CCDC73: variants seen among roughly 807,000 people sequenced by gnomAD.
CCDC73 encodes coiled-coil domain-containing protein 73.
CCDC73 carries 95 observed loss-of-function variants against 116.5 expected under a neutral mutation model. The observed-to-expected ratio is 0.82, with a 90% CI of 0.69 to 0.97. The LOEUF (loss-of-function observed/expected upper bound fraction) is 0.97. Ranked by LOEUF, CCDC73 falls within the 50% of genes least tolerant of loss-of-function variation. CCDC73 has a pLI of 0.00. For synonymous variants in CCDC73, 398 were observed against 401.3 expected (o/e 0.99, Z 0.10); for missense variants, 1,066 against 1,206.8 (o/e 0.88, Z 1.73).
intron 14 of CCDC73, among the ~76,000 whole-genome samples, chr11:32,620,063 A>C (rs1393934669): frequency 6.6e-6 from 1 of 152,206 alleles, no homozygotes; most frequent in Non-Finnish European, 1.5e-5. Context: ...TACAACAGCA[A>C]ACATCCCACA....
intron 1 of CCDC73, among the ~76,000 whole-genome samples, chr11:32,782,209 T>A (rs7113697): frequency 0.57 from 86,311 of 151,980 alleles, 24,892 homozygotes; most frequent in East Asian, 0.85. Flanking sequence ...GTGAGTTGTA[T>A]AATTATTTCA....
the CCDC73 span, among the ~76,000 whole-genome samples, chr11:32,818,015 G>A: frequency 6.6e-6 from 1 of 152,200 alleles, no homozygotes; most frequent in Non-Finnish European, 1.5e-5. Flanking sequence ...GGCACTTACG[G>A]TGAAACTAAC....
chr11:32,676,894 C>G (rs562711519), intron 7 of CCDC73, among the ~76,000 whole-genome samples: 1 of 152,246 alleles, frequency 6.6e-6, no homozygotes, highest in Admixed American at 6.5e-5. Flanking sequence ...AAAATTAGAC[C>G]TTACTTATAT....
intron 12 of CCDC73, among the ~76,000 whole-genome samples, chr11:32,650,294 TC>T (rs1226512559): frequency 6.6e-6 from 1 of 152,216 alleles, no homozygotes; most frequent in Non-Finnish European, 1.5e-5. Context: ...ACAGATTTAA[TC>T]CTAATTTTGT....
rs1454312788 is a variant in CCDC73 at position 32,718,090 on chromosome 11, G to A, written c.193C>T (p.Leu65Phe). 6.2e-7 allele frequency: 1 copy of A among 1,606,602 alleles called. No homozygotes were observed. Among genetic ancestry groups the A allele is most frequent in the South Asian group, 1.1e-5 (1 of 89,922 alleles). ...IGKIIVETQE[L>F]KWQKETLQNQ... ...ATATTACTCACCTTTTGCCATTTAA[G>A]TTCCTGTGTCTCCACAATAATTTTA... Residue 65 changes from leucine to phenylalanine, a missense_variant, in exon 3 of 18, where the codon CTT becomes TTT. Coordinates refer to ENST00000335185, the MANE Select transcript of CCDC73 (RefSeq NM_001008391.4).
chr11:32,787,366 C>T (rs899416920), intron 1 of CCDC73, among the ~76,000 whole-genome samples: 2 of 152,166 alleles, frequency 1.3e-5, no homozygotes, highest in African/African-American at 4.8e-5. Flanking sequence ...ATCAGTTTCA[C>T]ACTATCATTT....
Position 32,698,010 on chromosome 11 carries a change from AATTTTTTTTTTTTTTT to A in CCDC73, c.390+1225_390+1240del, listed in dbSNP as rs1166651449. 8.6e-4 allele frequency among the ~76,000 whole-genome samples: 101 copies of A among 117,740 alleles called. 3 individuals are homozygous for A. Among genetic ancestry groups the A allele is most frequent in the South Asian group, 7.5e-3 (28 of 3,726 alleles). The allele number at this position is 117,740 out of a possible 152,430, so 77.2% of individuals were successfully genotyped here. ...TCTGTTGTTTCTTTGTCTAACACTG[AATTTTTTTTTTTTTTT>A]TTTTTTTTTTTTTTTTGAGACGGAG... On this transcript the variant is annotated intron_variant, in intron 6 of 17. Transcript: ENST00000335185.
At chr11:32,795,690 A>ATT (rs541212653), upstream of CCDC73, among the ~76,000 whole-genome samples, 1,049 of 142,390 alleles carry the variant, frequency 7.4e-3, 15 homozygotes, top group African/African-American at 0.026. Flanking sequence ...CTGCCCTCAA[A>ATT]TTTTTTTTTT....
At chr11:32,697,544 C>T (rs1339365301) in intron 6 of CCDC73, among the ~76,000 whole-genome samples, 7 of 136,548 alleles carry the variant, frequency 5.1e-5, no homozygotes, top group Non-Finnish European at 9.1e-5. Flanking sequence ...AGTACAGTGA[C>T]GTAATCTCCG....
chr11:32,755,747 GTA>G (rs548989319), intron 2 of CCDC73, among the ~76,000 whole-genome samples: 39 of 26,818 alleles, frequency 1.5e-3, no homozygotes, highest in African/African-American at 6.4e-3. Context: ...ATATATATGT[GTA>G]TATATATATA....
At chr11:32,635,519 C>T (rs1028768448) in intron 14 of CCDC73, among the ~76,000 whole-genome samples, 177 bp downstream of exon 14, 2 of 151,994 alleles carry the variant, frequency 1.3e-5, no homozygotes, top group Non-Finnish European at 2.9e-5. Flanking sequence ...AAAAAAATGA[C>T]CTTCAATTCT....
chr11:32,814,677 G>A, the CCDC73 span, among the ~76,000 whole-genome samples: 1 of 152,008 alleles, frequency 6.6e-6, no homozygotes, highest in African/African-American at 2.4e-5. Flanking sequence ...CCCCTTGTAG[G>A]TATATATCCA....
chr11:32,685,045 C>T (rs1688914940), intron 6 of CCDC73, among the ~76,000 whole-genome samples: 1 of 152,144 alleles, frequency 6.6e-6, no homozygotes, highest in South Asian at 2.1e-4. Context: ...GAGTGTTCAT[C>T]TTCTTAAATC....
intron 9 of CCDC73, among the ~76,000 whole-genome samples, chr11:32,663,375 C>T (rs1380796516): frequency 6.6e-6 from 1 of 152,058 alleles, no homozygotes; most frequent in South Asian, 2.1e-4. Context: ...TGGTTTGTAG[C>T]ACTCCTTGAA....
Position 32,639,744 on chromosome 11 carries a change from C to T in CCDC73, c.1050+2228G>A, listed in dbSNP as rs1307124756. Among the ~76,000 whole-genome samples the T allele has an allele frequency of 3.9e-5, 6 of 152,104 alleles. No individual in the cohort carries two copies. In the South Asian group the frequency reaches 8.3e-4, roughly 21 times the overall value. ...GATTACAGGCATGAGCCACCACACC[C>T]GGCCAAATTGAATTCTTTTTGTGAC... On this transcript the variant is annotated intron_variant, in intron 13 of 17. Coordinates refer to ENST00000335185, the MANE Select transcript of CCDC73 (RefSeq NM_001008391.4).
At chr11:32,809,271 G>T in the CCDC73 span, among the ~76,000 whole-genome samples, 4 of 152,308 alleles carry the variant, frequency 2.6e-5, no homozygotes, top group South Asian at 2.1e-4. Flanking sequence ...AAGCAGAAGA[G>T]AATTTATTGG....
chr11:32,646,663 T>C (rs1292160210), intron 12 of CCDC73, among the ~76,000 whole-genome samples: 2 of 152,194 alleles, frequency 1.3e-5, no homozygotes, highest in African/African-American at 4.8e-5. Context: ...TCTTTATGTG[T>C]TGTACAAAAT....
At chr11:32,744,589 T>C (rs1333783001) in intron 2 of CCDC73, among the ~76,000 whole-genome samples, 1 of 152,232 alleles carries the variant, frequency 6.6e-6, no homozygotes, top group Non-Finnish European at 1.5e-5. Context: ...TTTCAGAATC[T>C]GTTATTGGTC....
chr11:32,782,438 C>T (rs1175145113), intron 1 of CCDC73, among the ~76,000 whole-genome samples: 2 of 152,122 alleles, frequency 1.3e-5, no homozygotes, highest in East Asian at 1.9e-4. Flanking sequence ...AGTTTCCTCA[C>T]AAAATGTTCT....
Sources: allele counts gnomAD v4.1 joint callset (sites outside exome capture counted in the v4.1 genomes callset), GRCh38; gene constraint gnomAD v4.1.1; transcripts MANE v1.5; gene names NCBI Gene and HGNC (gene_info 2026-07-23, HGNC 2026-07-21).